DPY19L1: variants seen among roughly 807,000 people sequenced by gnomAD.
DPY19L1 encodes dpy-19 like C-mannosyltransferase 1.
DPY19L1 carries 35 observed loss-of-function variants against 96.9 expected under a neutral mutation model. The ratio of observed to expected loss-of-function variants is 0.36; its 90% CI spans 0.28 to 0.48. DPY19L1 has a LOEUF of 0.48. DPY19L1 is among the 20% of genes least tolerant of loss of function. The pLI is 0.99. For synonymous variants in DPY19L1, 205 were observed against 252.6 expected, an observed-to-expected ratio of 0.81 and a Z score of 1.79; for missense variants, 521 against 777.9, an observed-to-expected ratio of 0.67 and a Z score of 3.93.
At chr7:34,950,820 C>T (rs1784253309) in intron 13 of DPY19L1, among the ~76,000 whole-genome samples, 1 of 151,954 alleles carries the variant, frequency 6.6e-6, no homozygotes, top group African/African-American at 2.4e-5. Context: ...AGAAATAAGT[C>T]CTAGTATTAT....
chr7:34,981,733 G>GT (rs1562815515), intron 7 of DPY19L1, among the ~76,000 whole-genome samples: 2 of 152,022 alleles, frequency 1.3e-5, no homozygotes, highest in African/African-American at 4.8e-5. Flanking sequence ...GGCAGATCAC[G>GT]TGAGGCCAGG....
chr7:35,020,723 T>C lies in DPY19L1; in HGVS notation c.299-2127A>G, dbSNP rs329245. Among the ~76,000 whole-genome samples, 969 of 152,328 alleles carry C rather than the reference T, an allele frequency of 6.4e-3. 6 individuals are homozygous for C. The highest frequency in any genetic ancestry group is 0.022 in the African/African-American group (917 of 41,566). On this transcript the variant is annotated intron_variant, in intron 1 of 21. Coordinates refer to ENST00000638088, the MANE Select transcript of DPY19L1 (RefSeq NM_001366673.1). Reference sequence around the variant, plus strand: ...TTCTCCATTTTATTGCATTTTATTTTATTTTTGAGGAGTCTTGCTCTGTCA... The same window carrying C: ...TTCTCCATTTTATTGCATTTTATTTCATTTTTGAGGAGTCTTGCTCTGTCA...
At chr7:35,036,846 T>C (rs1786414492) in intron 1 of DPY19L1, among the ~76,000 whole-genome samples, 1 of 151,664 alleles carries the variant, frequency 6.6e-6, no homozygotes, top group African/African-American at 2.4e-5. Context: ...CCCGGGCCAT[T>C]CTTTTAAAGC....
chr7:34,975,792 A>G (rs1784818428), intron 7 of DPY19L1, among the ~76,000 whole-genome samples: 1 of 152,160 alleles, frequency 6.6e-6, no homozygotes, highest in African/African-American at 2.4e-5. Context: ...TAAGAATTAC[A>G]CTAAATATAC....
At chr7:35,003,261 G>A (rs1429326431) in intron 6 of DPY19L1, among the ~76,000 whole-genome samples, 3 of 152,174 alleles carry the variant, frequency 2.0e-5, no homozygotes, top group African/African-American at 7.2e-5. Flanking sequence ...GGAACAAACA[G>A]GATAAGGGCA....
At chr7:34,985,276 C>T (rs556582321) in intron 7 of DPY19L1, among the ~76,000 whole-genome samples, 1 of 152,184 alleles carries the variant, frequency 6.6e-6, no homozygotes, top group South Asian at 2.1e-4. Context: ...GCAATGATTT[C>T]TTGGATAAGA....
intron 10 of DPY19L1, among the ~76,000 whole-genome samples, chr7:34,966,430 T>C (rs139619469): frequency 1.3e-5 from 2 of 152,202 alleles, no homozygotes; most frequent in African/African-American, 2.4e-5. Flanking sequence ...CCTAAGTAGC[T>C]AGTACTACAG....
chr7:34,944,822 G>T (rs1784108275), intron 16 of DPY19L1, among the ~76,000 whole-genome samples: 1 of 152,138 alleles, frequency 6.6e-6, no homozygotes, highest in African/African-American at 2.4e-5. Context: ...AGGGCTAAAG[G>T]ACAGGCCCAC....
At chr7:35,017,769 G>T (rs1785895759) in intron 3 of DPY19L1, 113 bp downstream of exon 3, 2 of 679,734 alleles carry the variant, frequency 2.9e-6, no homozygotes, top group Non-Finnish European at 4.6e-6. Flanking sequence ...GCTGTAGAAG[G>T]TGGAGCATCT....
At chr7:34,997,189 A>T (rs1400605034) in intron 6 of DPY19L1, among the ~76,000 whole-genome samples, 2 of 152,072 alleles carry the variant, frequency 1.3e-5, no homozygotes, top group Non-Finnish European at 2.9e-5. Context: ...ACTTTCATCA[A>T]TTTATGCATA....
chr7:34,994,741 T>C (rs535341376), intron 6 of DPY19L1, among the ~76,000 whole-genome samples: 3 of 151,846 alleles, frequency 2.0e-5, no homozygotes, highest in Admixed American at 2.0e-4. Context: ...GAGGTGGAGC[T>C]TGCAGTGAGC....
At chr7:34,955,165 T>G (rs180931861) in intron 12 of DPY19L1, 143 bp downstream of exon 12, 1 of 815,738 alleles carries the variant, frequency 1.2e-6, no homozygotes. Context: ...GGCAATTTGG[T>G]ACATTAAAAC....
intron 7 of DPY19L1, among the ~76,000 whole-genome samples, chr7:34,983,558 G>A (rs1784984617): frequency 6.7e-6 from 1 of 149,336 alleles, no homozygotes; most frequent in African/African-American, 2.5e-5. Flanking sequence ...AAGAGAGGGA[G>A]GGAGGGAGGG....
At chr7:34,949,923 A>G in intron 13 of DPY19L1, 25 bp from the exon 14 acceptor site, 2 of 1,237,190 alleles carry the variant, frequency 1.6e-6, no homozygotes, top group Middle Eastern at 1.9e-4. Context: ...AGTTACCATT[A>G]TATTAAGCCA....
At chr7:35,005,201 G>A (rs1330092693) in intron 6 of DPY19L1, among the ~76,000 whole-genome samples, 8 of 152,090 alleles carry the variant, frequency 5.3e-5, no homozygotes, top group Non-Finnish European at 1.2e-4. Context: ...GAACTCTGAA[G>A]ACAGAGGCAG....
intron 1 of DPY19L1, among the ~76,000 whole-genome samples, chr7:35,036,266 A>G (rs983079058): frequency 2.0e-5 from 3 of 152,246 alleles, no homozygotes; most frequent in Non-Finnish European, 4.4e-5. Context: ...TGAGGCATAT[A>G]GAAAAAAGCA....
chr7:34,948,239 T>C (rs1784193211), intron 14 of DPY19L1, among the ~76,000 whole-genome samples: 1 of 152,160 alleles, frequency 6.6e-6, no homozygotes, highest in Non-Finnish European at 1.5e-5. Flanking sequence ...CTCAATTATC[T>C]CTCCACCCAA....
intron 1 of DPY19L1, among the ~76,000 whole-genome samples, chr7:35,034,277 C>T (rs991229156): frequency 4.6e-5 from 7 of 152,120 alleles, no homozygotes; most frequent in Non-Finnish European, 1.0e-4. Flanking sequence ...CATGACGGAG[C>T]ACTGGCATAC....
chr7:34,990,194 G>T (rs1042799622), intron 6 of DPY19L1, among the ~76,000 whole-genome samples: 1 of 152,082 alleles, frequency 6.6e-6, no homozygotes, highest in African/African-American at 2.4e-5. Context: ...AAACTGAAAG[G>T]GAATAGAAAA....
Sources: allele counts gnomAD v4.1 joint callset (sites outside exome capture counted in the v4.1 genomes callset), GRCh38; gene constraint gnomAD v4.1.1; transcripts MANE v1.5; gene names NCBI Gene and HGNC (gene_info 2026-07-23, HGNC 2026-07-21).